The following ULK3 variants were observed in gnomAD, a reference collection of about 807,000 sequenced individuals.
ULK3 encodes the protein unc-51 like kinase 3.
A neutral mutation model predicts 69.4 loss-of-function variants in ULK3; 54 were observed. That is an observed-to-expected ratio of 0.78 (90% CI 0.63 to 0.98). ULK3 has a LOEUF of 0.98. Among genes scored for constraint, ULK3 ranks in the 50% least tolerant of loss-of-function variants. The pLI, the probability that ULK3 is intolerant of heterozygous loss-of-function variation, is 0.00. For synonymous variants in ULK3, 240 were observed against 254.5 expected (o/e 0.94, Z 0.54); for missense variants, 558 against 627.7 (o/e 0.89, Z 1.19).
intron 14 of ULK3, 64 bp from the exon 15 acceptor site, chr15:74,837,499 AGC>A: frequency 8.4e-7 from 1 of 1,184,666 alleles, no homozygotes; most frequent in Non-Finnish European, 1.1e-6. Context: ...CGCAGTGCCG[AGC>A]AAGTGAGAGA....
At position 74,842,895 on chromosome 15, in the gene ULK3, G is replaced by A; in HGVS notation, c.102+109C>T. The A allele has an allele frequency of 7.3e-7, 1 of 1,366,520 alleles. No homozygotes were observed. The allele number at this position is 1,366,520 out of a possible 1,614,324, so 84.6% of individuals were successfully genotyped here. ...CCGAGGGTCAGCTGGGGCGAGGCCGGCCTCCCGCCCCTAACTATTCCCACA... is the reference window on the plus strand; with the variant it reads ...CCGAGGGTCAGCTGGGGCGAGGCCGACCTCCCGCCCCTAACTATTCCCACA... On this transcript the variant is annotated intron_variant, in intron 1 of 15. Coordinates refer to ENST00000440863, the MANE Select transcript of ULK3 (RefSeq NM_001099436.4). The surrounding 1 kb of genome is among the most constrained non-coding windows in gnomAD (Gnocchi z 4.9).
At chr15:74,839,498 C>G (rs760364667) in intron 7 of ULK3, 60 bp downstream of exon 7, 1 of 1,540,292 alleles carries the variant, frequency 6.5e-7, no homozygotes, top group South Asian at 1.2e-5. Flanking sequence ...TCACCACCAA[C>G]GGGGGCAAGG....
At position 74,840,201 on chromosome 15, in the gene ULK3, C is replaced by G. The variant is rs532207597; in HGVS notation, c.696+33G>C. On this transcript the variant is annotated intron_variant, in intron 6 of 15. Coordinates refer to ENST00000440863, the MANE Select transcript of ULK3 (RefSeq NM_001099436.4). ...CCTCAGGGCCCTGACTCCCTCTGCC[C>G]CCCAGTGGTCGCTAAGGCCCTGCTA... 3.8e-6 allele frequency: 6 copies of G among 1,584,054 alleles called. No homozygotes were observed. In the East Asian group the frequency reaches 9.2e-5, roughly 24 times the overall value.
At position 74,842,573 on chromosome 15, in the gene ULK3, G is replaced by GT. The variant is rs755849727; in HGVS notation, c.103-154dup. The stretch of plus-strand genomic sequence containing the variant: ...GCACCGGGCTTCCCAGCTTTCCCTT[G>GT]TGAGGCCAGTGAGGAATGCTGATTC... On this transcript the variant is annotated intron_variant, in intron 1 of 15. Transcript: ENST00000440863. The surrounding 1 kb of genome is among the most constrained non-coding windows in gnomAD (Gnocchi z 4.9). The GT allele has an allele frequency of 6.4e-7, 1 of 1,570,644 alleles. No individual in the cohort carries two copies. The highest frequency in any genetic ancestry group is 2.3e-5 in the East Asian group (1 of 43,526).
intron 10 of ULK3, 68 bp from the exon 11 acceptor site, chr15:74,838,572 C>T: frequency 1.9e-6 from 3 of 1,572,266 alleles, no homozygotes; most frequent in South Asian, 2.3e-5. Flanking sequence ...TGCCTCTCCC[C>T]ACCCGCCTCC....
chr15:74,841,293 TC>T, intron 4 of ULK3, 111 bp downstream of exon 4: 5 of 826,162 alleles, frequency 6.1e-6, no homozygotes, highest in Non-Finnish European at 9.3e-6. Flanking sequence ...GGCCTGTCAC[TC>T]TTTGAGGACT....
At position 74,842,305 on chromosome 15, in the gene ULK3, T is replaced by TC; in HGVS notation, c.217_218insG (p.His73ArgfsTer13). The TC allele has an allele frequency of 6.2e-7, 1 of 1,614,018 alleles. No homozygotes were observed. Among genetic ancestry groups the TC allele is most frequent in the Middle Eastern group, 1.6e-4 (1 of 6,062 alleles). On this transcript the variant is annotated frameshift_variant, in exon 2 of 16. Transcript: ENST00000440863. LOFTEE classifies it high-confidence loss of function. The surrounding 1 kb of genome is among the most constrained non-coding windows in gnomAD (Gnocchi z 4.9). ...CTGAAAGTCTTTCAGCTGCACAATG[T>TC]GGGGATGTCGAATGCCCTTGAGGAT...
rs752274773 is a variant in ULK3 at position 74,840,531 on chromosome 15, C to A, written c.580G>T (p.Val194Leu). 1.2e-6 allele frequency: 2 copies of A among 1,609,866 alleles called. No individual in the cohort carries two copies. The highest frequency in any genetic ancestry group is 1.7e-5 in the Admixed American group (1 of 59,532). The change falls in exon 5 of 16, where the codon GTG (valine) becomes TTG (leucine). Residue 194 changes from valine (V) to leucine (L), a missense_variant. Val to Leu is a conservative substitution (Grantham distance 32, BLOSUM62 1). Coordinates refer to ENST00000440863, the MANE Select transcript of ULK3 (RefSeq NM_001099436.4). ...ATGACCCCCATGGACCAGAGGTCCA[C>A]GCGGGCGTCATACTGCCGCTGGCAC... is the stretch of plus-strand genomic sequence containing the variant. ...MVCQRQYDARVDLWSMGVILY... is the reference protein window; with the variant it reads ...MVCQRQYDARLDLWSMGVILY...
chr15:74,837,313 G>A, intron 15 of ULK3, 56 bp downstream of exon 15: 2 of 1,612,714 alleles, frequency 1.2e-6, no homozygotes, highest in Non-Finnish European at 1.7e-6. Flanking sequence ...CAGAACCCAG[G>A]GCCCCCAGCC....
intron 9 of ULK3, 90 bp downstream of exon 9, chr15:74,838,920 C>A (rs980761280): frequency 6.6e-7 from 1 of 1,516,110 alleles, no homozygotes; most frequent in Admixed American, 2.0e-5. Flanking sequence ...GAGGAAGTTC[C>A]AATTCTAAGA....
rs776746082 is a variant in ULK3, at chr15:74,838,187, G to A, written c.1252C>T (p.Pro418Ser). 3 of 1,565,938 alleles carry A rather than the reference G, an allele frequency of 1.9e-6. No individual in the cohort carries two copies. The highest frequency in any genetic ancestry group is 2.4e-5 in the East Asian group (1 of 42,068). ...GELLLLLAAE[P>S]PGRRRELLHT... The stretch of plus-strand genomic sequence containing the variant: ...AGCAGCTCCCGCCTCCGGCCCGGGG[G>A]CTCCGCTGTAAAGAGAGGGTGTGTG... Residue 418 changes from proline to serine, a missense_variant, in exon 13 of 16, where the codon CCC becomes TCC. Coordinates refer to ENST00000440863, the MANE Select transcript of ULK3 (RefSeq NM_001099436.4).
chr15:74,841,566 C>A (rs568515039), intron 3 of ULK3, 57 bp from the exon 4 acceptor site: 14 of 1,476,484 alleles, frequency 9.5e-6, no homozygotes, highest in Non-Finnish European at 1.2e-5. Flanking sequence ...GCCTGCCTCT[C>A]GCCTCCCCGG....
rs2064289890 is a variant in ULK3, at chr15:74,842,417, CCTT to C, written c.103_105del (p.Lys35del). 6.2e-7 allele frequency: 1 copy of C among 1,613,924 alleles called. No homozygotes were observed. The highest frequency in any genetic ancestry group is 1.3e-5 in the African/African-American group (1 of 75,044). ...TTTATGGCTACCACTTCACGAGTGTCCTTCTGCGAGACAGGAGATTTGGGGACT... is the reference window on the plus strand; with the variant it reads ...TTTATGGCTACCACTTCACGAGTGTCCTGCGAGACAGGAGATTTGGGGACT... On this transcript the variant is annotated inframe_deletion and splice_region_variant, in exon 2 of 16. Transcript: ENST00000440863. This position sits in a 1 kb window ranked among gnomAD's most constrained non-coding sequence, Gnocchi z 4.9.
Position 74,841,544 on chromosome 15 carries a change from G to C in ULK3, c.365-35C>G, listed in dbSNP as rs1377672743. Reference sequence around the variant, plus strand: ...AGGACCCACGAAGAGAGACAGTTCAGAGCCCATTCCCGCCTGCCTCTCGCC... The same window carrying C: ...AGGACCCACGAAGAGAGACAGTTCACAGCCCATTCCCGCCTGCCTCTCGCC... On this transcript the variant is annotated intron_variant, in intron 3 of 15. Transcript: ENST00000440863. The C allele has an allele frequency of 3.8e-6, 6 of 1,592,542 alleles. No homozygotes were observed. The Admixed American group carries it at 1.0e-4, about 27-fold the overall frequency.
chr15:74,837,737 C>G lies in ULK3; in HGVS notation c.1335+14G>C. 1 of 1,591,562 alleles carries G rather than the reference C, an allele frequency of 6.3e-7. No homozygotes were observed. Among genetic ancestry groups the G allele is most frequent in the South Asian group, 1.1e-5 (1 of 87,584 alleles). ...CCACAGACCCTAGCCCCAGCGTGGCCCCCATGTGCCCACCTTGACCTGCTC... is the reference window on the plus strand; with the variant it reads ...CCACAGACCCTAGCCCCAGCGTGGCGCCCATGTGCCCACCTTGACCTGCTC... On this transcript the variant is annotated intron_variant, in intron 14 of 15. Coordinates refer to ENST00000440863, the MANE Select transcript of ULK3 (RefSeq NM_001099436.4).
rs778489335 is a variant in ULK3, at chr15:74,838,156, G to T, written c.1283C>A (p.Thr428Asn). 1 of 1,557,086 alleles carries T rather than the reference G, an allele frequency of 6.4e-7. No individual in the cohort carries two copies. Among genetic ancestry groups the T allele is most frequent in the African/African-American group, 1.4e-5 (1 of 73,440 alleles). The stretch of plus-strand genomic sequence containing the variant: ...CCTCTCAAGCTCAGTGGGCACCTCA[G>T]TGTGAAGCAGCTCCCGCCTCCGGCC... ...PPGRRRELLH[T>N]EVQNLMARAE... The change falls in exon 13 of 16, where the codon ACT (threonine) becomes AAT (asparagine). Residue 428 changes from threonine (T) to asparagine (N), a missense_variant. Transcript: ENST00000440863.
rs777178207 is a variant in ULK3, at chr15:74,838,758, A to G, written c.1000-13T>C. The G allele has an allele frequency of 1.9e-6, 3 of 1,592,474 alleles. No homozygotes were observed. Among genetic ancestry groups the G allele is most frequent in the Non-Finnish European group, 1.7e-6 (2 of 1,167,340 alleles). On this transcript the variant is annotated splice_polypyrimidine_tract_variant and intron_variant, in intron 9 of 15. Transcript: ENST00000440863. ...CGTACTGCCCCACCTGTAGCAGGGA[A>G]AGGGCCTGAGGAGGGGCTGTCTCAC...
chr15:74,842,228 G>C lies in ULK3; in HGVS notation c.244-33C>G. On this transcript the variant is annotated intron_variant, in intron 2 of 15. Transcript: ENST00000440863. The surrounding 1 kb of genome is among the most constrained non-coding windows in gnomAD (Gnocchi z 4.9). ...TAGAGGCAGAGAGGCGGCCTGAAGA[G>C]AGTGTCCCTTCTCCAGCTCCCTTTG... is the stretch of plus-strand genomic sequence containing the variant. The C allele has an allele frequency of 4.3e-6, 7 of 1,613,962 alleles. No individual in the cohort carries two copies. The highest frequency in any genetic ancestry group is 5.9e-6 in the Non-Finnish European group (7 of 1,179,860).
chr15:74,839,704 G>A lies in ULK3; in HGVS notation c.706C>T (p.Arg236Trp), dbSNP rs540997889. The A allele has an allele frequency of 1.5e-5, 23 of 1,544,934 alleles. No homozygotes were observed. Among genetic ancestry groups the A allele is most frequent in the South Asian group, 9.7e-5 (8 of 82,456 alleles). The change falls in exon 7 of 16, where the codon CGG (arginine) becomes TGG (tryptophan). Residue 236 changes from arginine (R) to tryptophan (W), a missense_variant. Arg to Trp is a moderately radical substitution (Grantham distance 101). Transcript: ENST00000440863. ...RSNRVIELPL[R>W]PLLSRDCRDL... ...CGGCAGTCTCGGGAGAGCAGGGGCC[G>A]CAAGGGGAGCTGCAGGGAAGGGAAC... is the stretch of plus-strand genomic sequence containing the variant.
Sources: allele counts gnomAD v4.1 joint callset, GRCh38; gene constraint gnomAD v4.1.1; non-coding constraint Gnocchi (gnomAD v3.1); transcripts MANE v1.5; gene names NCBI Gene and HGNC (gene_info 2026-07-23, HGNC 2026-07-21).